Variants in GSN observed in about 807,000 individuals in gnomAD.
The protein encoded by GSN is actin-depolymerizing factor.
Under a neutral mutation model 85.7 loss-of-function variants are expected in GSN, and 56 were observed. The ratio of observed to expected loss-of-function variants is 0.65; its 90% CI spans 0.53 to 0.82. GSN has a LOEUF of 0.82. GSN is among the 40% of genes least tolerant of loss of function. GSN has a pLI of 0.00. For missense variants in GSN, 857 were observed against 979.8 expected (o/e 0.87, Z 1.67); for synonymous variants, 373 against 399.1 (o/e 0.93, Z 0.78).
intron 6 of GSN, among the ~76,000 whole-genome samples, chr9:121,253,704 C>T (rs879862689): frequency 9.9e-5 from 15 of 152,122 alleles, no homozygotes; most frequent in Non-Finnish European, 1.9e-4. Flanking sequence ...AGGCGGTTCT[C>T]TCTCTATTTG....
intron 5 of GSN, among the ~76,000 whole-genome samples, chr9:121,234,204 G>A (rs1475407683): frequency 9.2e-5 from 14 of 152,322 alleles, no homozygotes; most frequent in Admixed American, 6.5e-4. Flanking sequence ...TCTCACGGCC[G>A]TGCCTAGCTG....
Position 121,312,503 on chromosome 9 carries a change from C to A in GSN, c.663+15C>A, listed in dbSNP as rs200748511. 1.9e-6 allele frequency: 3 copies of A among 1,596,108 alleles called. No individual in the cohort carries two copies. On this transcript the variant is annotated intron_variant, in intron 6 of 17. Coordinates refer to ENST00000432226, the MANE Select transcript of GSN (RefSeq NM_198252.3). Reference sequence around the variant, plus strand: ...CGATGCTCCAGGTGCCTGTGGGGTGCGCAATGGGGTGGCCATGGGGACACG... The same window carrying A: ...CGATGCTCCAGGTGCCTGTGGGGTGAGCAATGGGGTGGCCATGGGGACACG...
At position 121,254,193 on chromosome 9, in the gene GSN, T is replaced by C. The variant is rs146470788; in HGVS notation, c.-341+5870T>C. On this transcript the variant is annotated intron_variant, in intron 6 of 24. Transcript: ENST00000373823. ...TCAGCCTTCAAACTGCATAATACAGTTGGGGCAAAAATTGTGGCAGGTAGG... is the reference window on the plus strand; with the variant it reads ...TCAGCCTTCAAACTGCATAATACAGCTGGGGCAAAAATTGTGGCAGGTAGG... Among the ~76,000 whole-genome samples the C allele has an allele frequency of 3.8e-3, 575 of 152,310 alleles. 4 individuals are homozygous for C. Among genetic ancestry groups the C allele is most frequent in the African/African-American group, 0.013 (539 of 41,568 alleles).
intron 4 of GSN, among the ~76,000 whole-genome samples, chr9:121,216,989 T>A (rs572110090): frequency 6.6e-6 from 1 of 152,366 alleles, no homozygotes; most frequent in East Asian, 1.9e-4. Flanking sequence ...CCTCTTCTTT[T>A]TTTAGTTCTG....
chr9:121,286,500 C>A, intron 2 of GSN: 1 of 1,125,784 alleles, frequency 8.9e-7, no homozygotes, highest in Non-Finnish European at 1.2e-6. Flanking sequence ...TTGTTCCCAC[C>A]TTCCCAAAAG....
chr9:121,321,441 T>TG, intron 11 of GSN, 40 bp downstream of exon 11: 1 of 1,604,744 alleles, frequency 6.2e-7, no homozygotes, highest in Non-Finnish European at 8.5e-7. Context: ...GTGGGGGTAC[T>TG]GGCTGGGCCC....
At chr9:121,264,667 T>C (rs373581672), upstream of GSN, among the ~76,000 whole-genome samples, 2 of 152,188 alleles carry the variant, frequency 1.3e-5, no homozygotes, top group East Asian at 1.9e-4. Flanking sequence ...TGCTGTTCCC[T>C]TCCTCACCTC....
chr9:121,316,913 G>A (rs1295230487), intron 7 of GSN, among the ~76,000 whole-genome samples, 173 bp from the exon 8 acceptor site: 1 of 151,584 alleles, frequency 6.6e-6, no homozygotes, highest in Non-Finnish European at 1.5e-5. Context: ...GTCAGCAGAT[G>A]TGGTTCTGAC....
chr9:121,219,365 G>A (rs139012516), intron 4 of GSN, among the ~76,000 whole-genome samples: 528 of 152,008 alleles, frequency 3.5e-3, no homozygotes, highest in African/African-American at 0.012. Context: ...CCCAAGGTGT[G>A]GGATTACAGA....
chr9:121,268,363 C>T (rs1266455349), intron 1 of GSN, 144 bp downstream of exon 1: 1 of 152,518 alleles, frequency 6.6e-6, no homozygotes, highest in African/African-American at 2.4e-5. Context: ...AAAGGGCTTC[C>T]TCGCTCACTT....
upstream of GSN, among the ~76,000 whole-genome samples, chr9:121,206,751 T>C (rs2053887363): frequency 6.6e-6 from 1 of 151,984 alleles, no homozygotes; most frequent in African/African-American, 2.4e-5. Flanking sequence ...CTTTGAACTT[T>C]GTTTGTTTGT....
At chr9:121,244,970 A>G (rs1235093626) in intron 5 of GSN, among the ~76,000 whole-genome samples, 1 of 151,652 alleles carries the variant, frequency 6.6e-6, no homozygotes, top group Non-Finnish European at 1.5e-5. Context: ...CTAGCTTCTA[A>G]AAAAAAAGTA....
intron 2 of GSN, among the ~76,000 whole-genome samples, chr9:121,289,480 T>C (rs1011561278): frequency 1.1e-4 from 17 of 152,120 alleles, no homozygotes; most frequent in Non-Finnish European, 2.4e-4. Context: ...TTCCAGAGCT[T>C]AGGAGAGAGA....
At chr9:121,224,241 C>T (rs150227000) in intron 4 of GSN, among the ~76,000 whole-genome samples, 4,226 of 152,044 alleles carry the variant, frequency 0.028, 207 homozygotes, top group African/African-American at 0.097. Flanking sequence ...GGACTACAGG[C>T]GCCCGTCACC....
intron 8 of GSN, chr9:121,317,444 G>A: frequency 1.8e-6 from 1 of 552,998 alleles, no homozygotes; most frequent in Non-Finnish European, 3.3e-6. Flanking sequence ...TAAAATGGGT[G>A]TTTCCCAAGT....
Position 121,294,922 on chromosome 9 carries a change from C to T in GSN, c.-9-7041C>T, listed in dbSNP as rs559734083. On this transcript the variant is annotated intron_variant, in intron 2 of 17. Transcript: ENST00000432226. The stretch of plus-strand genomic sequence containing the variant: ...TCCAACAGTCTCACTTCTGTTCCCC[C>T]AAAAGTCCTGCAACTGGGCATCACT... Among the ~76,000 whole-genome samples the T allele has an allele frequency of 2.6e-5, 4 of 152,306 alleles. 1 individual carries two copies. The South Asian group carries it at 6.2e-4, about 24-fold the overall frequency.
chr9:121,319,231 G>A (rs918851289), intron 10 of GSN, among the ~76,000 whole-genome samples: 1 of 152,202 alleles, frequency 6.6e-6, no homozygotes, highest in Non-Finnish European at 1.5e-5. Context: ...GGAACCTTTG[G>A]GTTGGGTCTC....
intron 5 of GSN, chr9:121,239,056 T>A (rs1209525159): frequency 4.8e-6 from 2 of 417,476 alleles, no homozygotes; most frequent in African/African-American, 2.0e-5. Context: ...GTGAATGATA[T>A]CGTTGGCAGG....
intron 11 of GSN, among the ~76,000 whole-genome samples, chr9:121,323,841 A>G (rs78634739): frequency 6.6e-6 from 1 of 152,090 alleles, no homozygotes; most frequent in Non-Finnish European, 1.5e-5. Context: ...ATGTCTCTCA[A>G]TTTGACAACC....
Sources: allele counts gnomAD v4.1 joint callset (sites outside exome capture counted in the v4.1 genomes callset), GRCh38; gene constraint gnomAD v4.1.1; transcripts MANE v1.5; gene names NCBI Gene and HGNC (gene_info 2026-07-23, HGNC 2026-07-21).